PTPRR: variants seen among roughly 807,000 people sequenced by gnomAD.
PTPRR encodes receptor-type tyrosine-protein phosphatase R.
A neutral mutation model predicts 77.2 loss-of-function variants in PTPRR; 38 were observed. That is an observed-to-expected ratio of 0.49 (90% CI 0.38 to 0.65). PTPRR has a LOEUF of 0.65. PTPRR is among the 30% of genes least tolerant of loss of function. The probability of loss-of-function intolerance (pLI) is 0.00; values close to 1 mark genes in which losing one functional copy is unlikely to be tolerated. For missense variants in PTPRR, 744 were observed against 799.2 expected (o/e 0.93, Z 0.83); for synonymous variants, 299 against 283.1 (o/e 1.06, Z -0.57).
At chr12:70,897,852 G>C (rs1893458849) in intron 1 of PTPRR, among the ~76,000 whole-genome samples, 1 of 151,978 alleles carries the variant, frequency 6.6e-6, no homozygotes, top group Admixed American at 6.6e-5. Context: ...CATGTCCTTT[G>C]TAGGGACATG....
intron 2 of PTPRR, among the ~76,000 whole-genome samples, chr12:70,800,524 T>G (rs958878769): frequency 6.6e-6 from 1 of 152,192 alleles, no homozygotes; most frequent in Non-Finnish European, 1.5e-5. Flanking sequence ...ACTTAACACA[T>G]TGACCCAATT....
At chr12:70,824,665 A>C (rs1031012607) in intron 2 of PTPRR, among the ~76,000 whole-genome samples, 3 of 152,164 alleles carry the variant, frequency 2.0e-5, no homozygotes, top group Admixed American at 6.5e-5. Flanking sequence ...TGGTGGTGTC[A>C]GCTGCTGGTT....
intron 2 of PTPRR, among the ~76,000 whole-genome samples, chr12:70,814,679 C>T (rs1891869332): frequency 6.6e-6 from 1 of 152,104 alleles, no homozygotes; most frequent in East Asian, 1.9e-4. Flanking sequence ...TTAGAGATGC[C>T]TTCAAGACAT....
intron 13 of PTPRR, among the ~76,000 whole-genome samples, chr12:70,652,670 A>T (rs1886439276): frequency 6.6e-6 from 1 of 152,208 alleles, no homozygotes; most frequent in South Asian, 2.1e-4. Flanking sequence ...AAGTGAAAAG[A>T]CAAGACCTCT....
intron 2 of PTPRR, among the ~76,000 whole-genome samples, chr12:70,769,123 C>T (rs1473453615): frequency 1.4e-5 from 2 of 138,122 alleles, no homozygotes; most frequent in Non-Finnish European, 3.1e-5. Context: ...CCTCTCTCAC[C>T]ACTCCTATTC....
At position 70,671,788 on chromosome 12, in the gene PTPRR, G is replaced by A. The variant is rs564929580; in HGVS notation, c.1498-9183C>T. On this transcript the variant is annotated intron_variant, in intron 10 of 13. Coordinates refer to ENST00000283228, the MANE Select transcript of PTPRR (RefSeq NM_002849.4). ...GTGTCACTCTGAAATACATATTTGA[G>A]GCTGCTGCATGCAGTTCCCCGGCTA... The A allele has an allele frequency of 5.6e-6, 3 of 536,154 alleles. No homozygotes were observed. The South Asian group carries it at 9.2e-5, about 16-fold the overall frequency. 33.2% of individuals were successfully genotyped at this position (536,154 alleles called of 1,614,324 possible). A position where few individuals can be genotyped will look rare whatever the true frequency, so the allele number is the denominator to read the frequency against.
chr12:70,815,084 A>G (rs567219288), intron 2 of PTPRR, among the ~76,000 whole-genome samples: 4 of 151,482 alleles, frequency 2.6e-5, no homozygotes, highest in Non-Finnish European at 5.9e-5. Flanking sequence ...CGCTCCATAC[A>G]CTTAATAAGT....
chr12:70,762,261 C>T (rs1470421736), intron 3 of PTPRR, among the ~76,000 whole-genome samples: 1 of 151,898 alleles, frequency 6.6e-6, no homozygotes, highest in African/African-American at 2.4e-5. Flanking sequence ...CAGAGAATTT[C>T]TTACCATAAA....
chr12:70,687,942 T>G (rs1025443172), intron 8 of PTPRR, among the ~76,000 whole-genome samples: 1 of 152,178 alleles, frequency 6.6e-6, no homozygotes, highest in Non-Finnish European at 1.5e-5. Flanking sequence ...GTAGACCCTA[T>G]GGAGATGGAA....
chr12:70,741,432 T>G (rs1173672891), intron 6 of PTPRR, among the ~76,000 whole-genome samples: 1 of 152,168 alleles, frequency 6.6e-6, no homozygotes, highest in Non-Finnish European at 1.5e-5. Context: ...AGAGGGAGCC[T>G]CAAATTGGCT....
At chr12:70,684,673 A>G (rs769517321) in intron 9 of PTPRR, 31 bp downstream of exon 9, 1 of 1,422,704 alleles carries the variant, frequency 7.0e-7, no homozygotes, top group Non-Finnish European at 9.7e-7. Flanking sequence ...ATAGGAAGTC[A>G]CCAGAAAGAA....
intron 2 of PTPRR, among the ~76,000 whole-genome samples, chr12:70,787,054 G>C (rs1891338035): frequency 6.6e-6 from 1 of 152,174 alleles, no homozygotes; most frequent in South Asian, 2.1e-4. Context: ...AGCACCTTGA[G>C]AACTGTCTCA....
At chr12:70,897,894 T>C (rs1893459683) in intron 1 of PTPRR, among the ~76,000 whole-genome samples, 1 of 148,200 alleles carries the variant, frequency 6.7e-6, no homozygotes, top group African/African-American at 2.5e-5. Context: ...CAGCAAACTA[T>C]CACAAGGACA....
rs189870817 is a variant in PTPRR, at chr12:70,736,487, C to A, written c.1007+9331G>T. 5.9e-5 allele frequency among the ~76,000 whole-genome samples: 9 copies of A among 152,270 alleles called. No homozygotes were observed. In the East Asian group the frequency reaches 9.7e-4, roughly 16 times the overall value. On this transcript the variant is annotated intron_variant, in intron 6 of 13. Transcript: ENST00000283228. ...TTAATTAGGAGTACAGCCTCTGGAG[C>A]AATACTGCTTGGGTTCGCATTCTAT...
intron 2 of PTPRR, among the ~76,000 whole-genome samples, chr12:70,802,253 A>T (rs11178432): frequency 0.14 from 21,542 of 152,244 alleles, 2,021 homozygotes; most frequent in African/African-American, 0.26. Context: ...TTGCAAACAT[A>T]ATTTGTTAAA....
intron 8 of PTPRR, chr12:70,685,023 T>C (rs887803774): frequency 3.1e-6 from 1 of 325,308 alleles, no homozygotes; most frequent in African/African-American, 2.1e-5. Context: ...TTTCAGGCCA[T>C]TTCTCATCTG....
At chr12:70,657,511 C>T (rs1592641607) in intron 12 of PTPRR, among the ~76,000 whole-genome samples, 1 of 152,094 alleles carries the variant, frequency 6.6e-6, no homozygotes, top group Non-Finnish European at 1.5e-5. Context: ...AGCACACGTG[C>T]TCTCTCTGTC....
chr12:70,765,263 A>G lies in PTPRR; in HGVS notation c.358-485T>C, dbSNP rs556406321. Among the ~76,000 whole-genome samples the G allele has an allele frequency of 5.8e-4, 88 of 152,252 alleles. 1 individual carries two copies. In the South Asian group the frequency reaches 0.017, roughly 30 times the overall value. On this transcript the variant is annotated intron_variant, in intron 2 of 13. Coordinates refer to ENST00000283228, the MANE Select transcript of PTPRR (RefSeq NM_002849.4). ...GGGAGTTCCCTTTCCTATTCAAAGAAAGGGGTGACAGACGGCACCTGGAAA... is the reference window on the plus strand; with the variant it reads ...GGGAGTTCCCTTTCCTATTCAAAGAGAGGGGTGACAGACGGCACCTGGAAA...
intron 10 of PTPRR, chr12:70,672,569 G>A (rs1887274732): frequency 1.5e-6 from 2 of 1,379,146 alleles, no homozygotes; most frequent in South Asian, 2.3e-5. Context: ...TACCCTCTGG[G>A]CCTTGCCTTG....
Sources: gnomAD v4.1 joint callset for allele counts (sites outside exome capture counted in the v4.1 genomes callset) on GRCh38, gnomAD v4.1.1 for gene constraint, MANE v1.5 for transcripts, NCBI Gene and HGNC (gene_info 2026-07-23, HGNC 2026-07-21) for gene names.